Variants in TTC29 observed in about 807,000 individuals in gnomAD.
TTC29 encodes the protein tetratricopeptide repeat domain 29, also known as tetratricopeptide repeat protein 29.
TTC29 carries 49 observed loss-of-function variants against 58.1 expected under a neutral mutation model. The observed-to-expected ratio is 0.84, with a 90% CI of 0.67 to 1.07. TTC29 has a LOEUF of 1.07. Among genes scored for constraint, TTC29 ranks in the 50% least tolerant of loss-of-function variants. TTC29 has a pLI of 0.00. For synonymous variants in TTC29, 209 were observed against 196.8 expected (o/e 1.06, Z -0.52); for missense variants, 582 against 555.6 (o/e 1.05, Z -0.48).
At chr4:146,743,871 G>A (rs1561081380) in intron 11 of TTC29, among the ~76,000 whole-genome samples, 2 of 152,180 alleles carry the variant, frequency 1.3e-5, no homozygotes, top group Admixed American at 6.5e-5. Context: ...TTTACAAATT[G>A]GAGCTAGTGG....
chr4:146,940,606 A>G (rs896910029), intron 2 of TTC29, among the ~76,000 whole-genome samples: 1 of 152,168 alleles, frequency 6.6e-6, no homozygotes, highest in Non-Finnish European at 1.5e-5. Flanking sequence ...TAGTAACCCA[A>G]TGACAGGGGA....
intron 4 of TTC29, among the ~76,000 whole-genome samples, chr4:146,936,031 T>C (rs1177874483): frequency 6.6e-6 from 1 of 152,168 alleles, no homozygotes; most frequent in Non-Finnish European, 1.5e-5. Flanking sequence ...GCTATCTCCA[T>C]ACTAATGATT....
At chr4:146,795,551 C>T (rs1213718871) in intron 11 of TTC29, among the ~76,000 whole-genome samples, 1 of 152,036 alleles carries the variant, frequency 6.6e-6, no homozygotes, top group Non-Finnish European at 1.5e-5. Context: ...TATTTATCCT[C>T]ATCTGGGAGT....
At position 146,711,790 on chromosome 4, in the gene TTC29, A is replaced by G. The variant is rs1742510676; in HGVS notation, c.1331-4239T>C. Among the ~76,000 whole-genome samples, 3 of 152,094 alleles carry G rather than the reference A, an allele frequency of 2.0e-5. No individual in the cohort carries two copies. The South Asian group carries it at 6.2e-4, about 31-fold the overall frequency. ...TCAGAAACTGATTTCTGAAAAAGGA[A>G]CAGAAGTCTCCCTTCCCCACCATGT... is the stretch of plus-strand genomic sequence containing the variant. On this transcript the variant is annotated intron_variant, in intron 11 of 12. Transcript: ENST00000325106.
chr4:146,725,731 A>G (rs745585775), intron 11 of TTC29, among the ~76,000 whole-genome samples: 27 of 152,174 alleles, frequency 1.8e-4, no homozygotes, highest in Non-Finnish European at 3.2e-4. Context: ...TTCTGATCTA[A>G]GAAACTGAGA....
intron 8 of TTC29, among the ~76,000 whole-genome samples, chr4:146,834,734 G>A (rs559453929): frequency 6.6e-6 from 1 of 152,166 alleles, no homozygotes; most frequent in Non-Finnish European, 1.5e-5. Flanking sequence ...GACAGAGTCA[G>A]TGTGAGGGAC....
At chr4:146,813,439 G>A (rs1347737451) in intron 10 of TTC29, among the ~76,000 whole-genome samples, 1 of 152,156 alleles carries the variant, frequency 6.6e-6, no homozygotes, top group African/African-American at 2.4e-5. Flanking sequence ...ATAGTAAAAG[G>A]TAAATAACTA....
chr4:146,801,906 G>A (rs999295578), intron 11 of TTC29, among the ~76,000 whole-genome samples: 2 of 145,068 alleles, frequency 1.4e-5, no homozygotes, highest in Non-Finnish European at 3.0e-5. Flanking sequence ...GTGAACCCGG[G>A]AGGCAGAGCT....
intron 11 of TTC29, among the ~76,000 whole-genome samples, chr4:146,738,897 C>T (rs1400814351): frequency 6.6e-6 from 1 of 152,152 alleles, no homozygotes; most frequent in Non-Finnish European, 1.5e-5. Flanking sequence ...GGGTGGCACC[C>T]AGGGAGGGTA....
chr4:146,754,719 A>G (rs1156657626), intron 11 of TTC29, among the ~76,000 whole-genome samples: 2 of 152,174 alleles, frequency 1.3e-5, no homozygotes, highest in Non-Finnish European at 2.9e-5. Flanking sequence ...AAAGTTTAAC[A>G]TCCTTTCTTG....
chr4:146,729,803 T>C (rs933239189), intron 11 of TTC29, among the ~76,000 whole-genome samples: 3 of 152,008 alleles, frequency 2.0e-5, no homozygotes, highest in Non-Finnish European at 4.4e-5. Flanking sequence ...CAAACACTTA[T>C]AAAACCATCA....
intron 11 of TTC29, among the ~76,000 whole-genome samples, chr4:146,722,955 C>T (rs1398219623): frequency 6.6e-6 from 1 of 152,176 alleles, no homozygotes. Context: ...GCCTCAGCCT[C>T]CCAAAGTGCT....
intron 11 of TTC29, among the ~76,000 whole-genome samples, chr4:146,723,697 T>A (rs1743553281): frequency 6.6e-6 from 1 of 152,118 alleles, no homozygotes; most frequent in African/African-American, 2.4e-5. Context: ...CTCACACCAG[T>A]CAGAATGGCT....
At chr4:146,872,699 C>T (rs1464651268) in intron 7 of TTC29, among the ~76,000 whole-genome samples, 3 of 151,942 alleles carry the variant, frequency 2.0e-5, no homozygotes, top group African/African-American at 4.8e-5. Context: ...CCACATTACA[C>T]CTACTAGGAT....
At chr4:146,810,739 T>C (rs1750968706) in intron 10 of TTC29, among the ~76,000 whole-genome samples, 1 of 151,858 alleles carries the variant, frequency 6.6e-6, no homozygotes, top group Admixed American at 6.6e-5. Flanking sequence ...TACAGGCATA[T>C]GCCACCACGC....
At chr4:146,820,315 A>G in intron 9 of TTC29, 67 bp from the exon 10 acceptor site, 1 of 1,531,084 alleles carries the variant, frequency 6.5e-7, no homozygotes, top group Non-Finnish European at 8.8e-7. Flanking sequence ...AAGAGGAAGT[A>G]TCTTGTGTCT....
intron 2 of TTC29, among the ~76,000 whole-genome samples, chr4:146,940,559 G>C (rs147055832): frequency 3.3e-5 from 5 of 152,314 alleles, no homozygotes; most frequent in African/African-American, 1.2e-4. Flanking sequence ...TCTCCTCCAT[G>C]ATGATGGGAG....
intron 11 of TTC29, among the ~76,000 whole-genome samples, chr4:146,755,746 A>G (rs73855647): frequency 0.048 from 7,324 of 152,092 alleles, 603 homozygotes; most frequent in African/African-American, 0.17. Context: ...GATATACCCA[A>G]TAAAATTTGT....
intron 11 of TTC29, among the ~76,000 whole-genome samples, chr4:146,750,436 A>T (rs918615506): frequency 6.6e-6 from 1 of 152,158 alleles, no homozygotes; most frequent in Admixed American, 6.5e-5. Context: ...AATCTAGAAT[A>T]CTCCTATACT....
Sources: allele counts gnomAD v4.1 joint callset (sites outside exome capture counted in the v4.1 genomes callset), GRCh38; gene constraint gnomAD v4.1.1; transcripts MANE v1.5; gene names NCBI Gene and HGNC (gene_info 2026-07-23, HGNC 2026-07-21).